Variants in DOCK4 observed in about 807,000 individuals in gnomAD.
DOCK4 encodes dedicator of cytokinesis protein 4.
In DOCK4, 97 loss-of-function variants were observed where a neutral mutation model predicts 268.1. The ratio of observed to expected loss-of-function variants is 0.36; its 90% CI spans 0.31 to 0.43. The LOEUF (loss-of-function observed/expected upper bound fraction) is 0.43, where lower values mean the gene tolerates loss of function less well. Ranked by LOEUF, DOCK4 falls within the 20% of genes least tolerant of loss-of-function variation. The pLI, the probability that DOCK4 is intolerant of heterozygous loss-of-function variation, is 1.00. For synonymous variants in DOCK4, 954 were observed against 887.2 expected (o/e 1.08, Z -1.34); for missense variants, 2,145 against 2,455.7 (o/e 0.87, Z 2.67).
At chr7:111,839,228 T>A (rs1803476833) in intron 25 of DOCK4, among the ~76,000 whole-genome samples, 1 of 152,214 alleles carries the variant, frequency 6.6e-6, no homozygotes, top group Non-Finnish European at 1.5e-5. Flanking sequence ...ATACTTGAAT[T>A]CATCAGTTGA....
intron 1 of DOCK4, among the ~76,000 whole-genome samples, chr7:112,044,276 A>T (rs1053469795): frequency 2.6e-5 from 4 of 152,298 alleles, no homozygotes; most frequent in Admixed American, 2.0e-4. Context: ...GAACTATATC[A>T]GCATGAATAA....
At chr7:111,748,185 C>G (rs1796399471) in intron 42 of DOCK4, among the ~76,000 whole-genome samples, 1 of 152,064 alleles carries the variant, frequency 6.6e-6, no homozygotes, top group African/African-American at 2.4e-5. Flanking sequence ...TAATTCAGGA[C>G]TACAATTAGC....
chr7:112,037,045 C>T (rs1803862546), intron 1 of DOCK4, among the ~76,000 whole-genome samples: 1 of 152,138 alleles, frequency 6.6e-6, no homozygotes, highest in Admixed American at 6.5e-5. Flanking sequence ...TTGAACTTTT[C>T]CCAAGCTAGT....
intron 20 of DOCK4, 25 bp downstream of exon 20, chr7:111,871,965 C>T (rs1387122525): frequency 6.6e-7 from 1 of 1,506,202 alleles, no homozygotes; most frequent in East Asian, 2.4e-5. Flanking sequence ...CACTTCTAAA[C>T]TAATTACAAG....
chr7:112,187,888 A>C (rs1360854289), intron 1 of DOCK4, among the ~76,000 whole-genome samples: 2 of 152,234 alleles, frequency 1.3e-5, no homozygotes, highest in African/African-American at 4.8e-5. Context: ...AAAGAAAAGA[A>C]GACTTTCAGA....
rs1798322075 is a variant in DOCK4, at chr7:111,774,422, G to T, written c.3679+3854C>A. Reference sequence around the variant, plus strand: ...GGTGAAGTTGCAGTGGGCCGAGATTGCACCACTGCACTCCAGCCTGGGCGA... The same window carrying T: ...GGTGAAGTTGCAGTGGGCCGAGATTTCACCACTGCACTCCAGCCTGGGCGA... On this transcript the variant is annotated intron_variant, in intron 36 of 52. Transcript: ENST00000428084. Among the ~76,000 whole-genome samples the T allele has an allele frequency of 5.3e-5, 8 of 152,238 alleles. No individual in the cohort carries two copies. In the South Asian group the frequency reaches 1.7e-3, roughly 32 times the overall value.
intron 1 of DOCK4, among the ~76,000 whole-genome samples, chr7:112,076,548 T>C (rs1231270417): frequency 6.6e-6 from 1 of 152,122 alleles, no homozygotes; most frequent in Non-Finnish European, 1.5e-5. Context: ...CCACTTGATA[T>C]TTTCAAAATA....
At chr7:111,960,347 G>C (rs1277465939) in intron 8 of DOCK4, among the ~76,000 whole-genome samples, 1 of 147,270 alleles carries the variant, frequency 6.8e-6, no homozygotes, top group African/African-American at 2.5e-5. Context: ...CTGGGCAACA[G>C]AGCGAGGCTC....
intron 12 of DOCK4, among the ~76,000 whole-genome samples, chr7:111,916,731 C>T (rs986544315): frequency 3.3e-5 from 5 of 151,970 alleles, no homozygotes; most frequent in Non-Finnish European, 7.4e-5. Context: ...AAAGATAGCA[C>T]TTCTCTTTCA....
At chr7:111,804,660 C>T (rs917323919) in intron 30 of DOCK4, among the ~76,000 whole-genome samples, 3 of 151,944 alleles carry the variant, frequency 2.0e-5, no homozygotes, top group South Asian at 4.2e-4. Flanking sequence ...AGTGCAATGG[C>T]GCGATCTTGG....
intron 1 of DOCK4, among the ~76,000 whole-genome samples, chr7:112,099,788 C>T (rs527974793): frequency 1.3e-4 from 20 of 152,278 alleles, no homozygotes; most frequent in Middle Eastern, 3.4e-3. Context: ...AAACTACCCC[C>T]TCCCTCATAT....
At chr7:111,784,422 G>A (rs1193360009) in intron 32 of DOCK4, 3 of 599,202 alleles carry the variant, frequency 5.0e-6, no homozygotes, top group Non-Finnish European at 9.4e-6. Context: ...CAATTTTACT[G>A]CAATGCAACT....
intron 11 of DOCK4, among the ~76,000 whole-genome samples, chr7:111,937,197 G>A (rs193167603): frequency 6.6e-6 from 1 of 152,256 alleles, no homozygotes; most frequent in East Asian, 1.9e-4. Flanking sequence ...TGTTCTTTGA[G>A]TCCCAGAAGG....
At chr7:112,198,054 C>T (rs1820616433) in intron 1 of DOCK4, among the ~76,000 whole-genome samples, 2 of 150,594 alleles carry the variant, frequency 1.3e-5, no homozygotes, top group Admixed American at 1.3e-4. Flanking sequence ...AACAGGAAGA[C>T]ATCTGCTATA....
At chr7:111,911,879 A>T (rs1187912833) in intron 13 of DOCK4, among the ~76,000 whole-genome samples, 1 of 151,866 alleles carries the variant, frequency 6.6e-6, no homozygotes, top group Non-Finnish European at 1.5e-5. Context: ...TTTGTTGTTG[A>T]AGAGGAAATA....
chr7:112,128,681 C>A (rs796067204), intron 1 of DOCK4, among the ~76,000 whole-genome samples: 51 of 152,212 alleles, frequency 3.4e-4, no homozygotes, highest in African/African-American at 1.1e-3. Context: ...AAGGGCGGTG[C>A]AAGATGTGCT....
At chr7:112,201,497 C>T (rs1820929595) in intron 1 of DOCK4, among the ~76,000 whole-genome samples, 1 of 152,206 alleles carries the variant, frequency 6.6e-6, no homozygotes, top group Non-Finnish European at 1.5e-5. Flanking sequence ...TGTAAAACAT[C>T]TGGCTAGGTT....
chr7:111,755,695 G>T, intron 41 of DOCK4, 94 bp from the exon 42 acceptor site: 1 of 1,110,598 alleles, frequency 9.0e-7, no homozygotes, highest in Non-Finnish European at 1.3e-6. Context: ...ACCAGGCTTT[G>T]CTTATTCCTG....
intron 1 of DOCK4, among the ~76,000 whole-genome samples, chr7:112,011,528 T>C (rs1801304899): frequency 6.6e-6 from 1 of 152,086 alleles, no homozygotes. Context: ...ATACTCATTT[T>C]AGAGATAGAG....
Sources: allele counts gnomAD v4.1 joint callset (sites outside exome capture counted in the v4.1 genomes callset), GRCh38; gene constraint gnomAD v4.1.1; transcripts MANE v1.5; gene names NCBI Gene and HGNC (gene_info 2026-07-23, HGNC 2026-07-21).